The following DSCAM variants were observed in gnomAD, a reference collection of about 807,000 sequenced individuals.
DSCAM encodes the protein DS cell adhesion molecule, also known as cell adhesion molecule DSCAM.
A neutral mutation model predicts 217.7 loss-of-function variants in DSCAM; 47 were observed. That is an observed-to-expected ratio of 0.22 (90% confidence interval 0.17 to 0.28). The LOEUF is 0.28. Among genes scored for constraint, DSCAM ranks in the 10% least tolerant of loss-of-function variants. The pLI is 1.00. For synonymous variants in DSCAM, 1,056 were observed against 1,015.3 expected (o/e 1.04, Z -0.76); for missense variants, 2,080 against 2,618.3 (o/e 0.79, Z 4.49).
chr21:40,755,350 G>GC (rs2091265008), intron 1 of DSCAM, among the ~76,000 whole-genome samples: 1 of 152,152 alleles, frequency 6.6e-6, no homozygotes, highest in South Asian at 2.1e-4. Flanking sequence ...GAAGGCTGAG[G>GC]CAGTAGAATT....
At chr21:40,254,358 TA>T (rs1409687853) in intron 11 of DSCAM, among the ~76,000 whole-genome samples, 5 of 152,170 alleles carry the variant, frequency 3.3e-5, no homozygotes, top group African/African-American at 4.8e-5. Context: ...AGGAAATAAG[TA>T]AAAGCTCAGA....
rs115135360 is a variant in DSCAM at position 40,071,582 on chromosome 21, C to T, written c.4888+3455G>A. On this transcript the variant is annotated intron_variant, in intron 27 of 32. Coordinates refer to ENST00000400454, the MANE Select transcript of DSCAM (RefSeq NM_001389.5). ...TCCCACCTAATCACTCTAAAAACAT[C>T]CACTGGGGATCCCTATAATATTTTT... 6.0e-3 allele frequency among the ~76,000 whole-genome samples: 915 copies of T among 152,312 alleles called. 10 individuals are homozygous for T. Among genetic ancestry groups the T allele is most frequent in the African/African-American group, 0.021 (881 of 41,576 alleles).
chr21:40,121,980 C>T (rs549143533), intron 20 of DSCAM, among the ~76,000 whole-genome samples: 1 of 152,124 alleles, frequency 6.6e-6, no homozygotes, highest in South Asian at 2.1e-4. Flanking sequence ...CGTGAGCCAC[C>T]GTGCCTTGCT....
At chr21:40,794,575 T>C (rs1015760961) in intron 1 of DSCAM, among the ~76,000 whole-genome samples, 3 of 150,952 alleles carry the variant, frequency 2.0e-5, no homozygotes, top group African/African-American at 7.3e-5. Flanking sequence ...CTTAGTAAAG[T>C]GAACCATTGC....
chr21:40,522,130 G>A (rs2076364253), intron 3 of DSCAM, among the ~76,000 whole-genome samples: 1 of 152,146 alleles, frequency 6.6e-6, no homozygotes, highest in South Asian at 2.1e-4. Flanking sequence ...TAGGCATAAG[G>A]TATGTGTTTC....
chr21:40,378,872 C>A (rs1018433718), intron 3 of DSCAM, among the ~76,000 whole-genome samples: 15 of 152,176 alleles, frequency 9.9e-5, no homozygotes, highest in African/African-American at 3.6e-4. Context: ...GGATTACAGG[C>A]GTGAGCCACC....
chr21:40,655,919 G>A (rs2090070407), intron 3 of DSCAM, among the ~76,000 whole-genome samples: 1 of 152,064 alleles, frequency 6.6e-6, no homozygotes, highest in Non-Finnish European at 1.5e-5. Flanking sequence ...CAGGTGTGGT[G>A]GTGCACACCT....
chr21:40,756,976 C>CATGTGTGT (rs35592258), intron 1 of DSCAM, among the ~76,000 whole-genome samples: 52 of 149,708 alleles, frequency 3.5e-4, no homozygotes, highest in South Asian at 1.3e-3. Context: ...AACAAATGGT[C>CATGTGTGT]GTGTGTGTGT....
intron 3 of DSCAM, among the ~76,000 whole-genome samples, chr21:40,554,991 G>A (rs1473160469): frequency 6.6e-6 from 1 of 152,128 alleles, no homozygotes; most frequent in Non-Finnish European, 1.5e-5. Context: ...GTGCACAGAA[G>A]GCATTCAGTA....
chr21:40,021,919 C>G, intron 32 of DSCAM, among the ~76,000 whole-genome samples: 1 of 152,184 alleles, frequency 6.6e-6, no homozygotes, highest in East Asian at 1.9e-4. Context: ...AACTGCTGAA[C>G]TAAACCTGCC....
At position 40,360,121 on chromosome 21, in the gene DSCAM, GTCTTTTTTTTTTTTT is replaced by G. The variant is rs2074743239; in HGVS notation, c.656-6393_656-6379del. On this transcript the variant is annotated intron_variant, in intron 4 of 32. Transcript: ENST00000400454. ...TAGTGAGCATGGTACTTCATAGGTA[GTCTTTTTTTTTTTTT>G]TTTTTTTTTTTTTGAGACAGAGTCT... is the stretch of plus-strand genomic sequence containing the variant. 1.5e-4 allele frequency among the ~76,000 whole-genome samples: 12 copies of G among 82,656 alleles called. No homozygotes were observed. The Admixed American group carries it at 1.8e-3, about 12-fold the overall frequency. The allele number at this position is 82,656 out of a possible 152,430, so 54.2% of individuals were successfully genotyped here.
intron 1 of DSCAM, among the ~76,000 whole-genome samples, chr21:40,833,391 G>A (rs1455913342): frequency 6.6e-6 from 1 of 152,160 alleles, no homozygotes; most frequent in Non-Finnish European, 1.5e-5. Context: ...ACATCCACAG[G>A]AAAAACAGGC....
intron 11 of DSCAM, among the ~76,000 whole-genome samples, chr21:40,209,823 T>C (rs925323502): frequency 1.3e-5 from 2 of 152,166 alleles, no homozygotes; most frequent in Non-Finnish European, 2.9e-5. Flanking sequence ...TTATAACTCA[T>C]CGCTCATTCA....
At chr21:40,796,250 G>A (rs1035572776) in intron 1 of DSCAM, among the ~76,000 whole-genome samples, 4 of 152,160 alleles carry the variant, frequency 2.6e-5, no homozygotes, top group Non-Finnish European at 4.4e-5. Context: ...AATAGCATGT[G>A]AGTGGACATG....
intron 3 of DSCAM, among the ~76,000 whole-genome samples, chr21:40,564,141 T>A (rs572608753): frequency 6.6e-6 from 1 of 152,320 alleles, no homozygotes; most frequent in African/African-American, 2.4e-5. Flanking sequence ...GTCCTAAATA[T>A]GGAAAAAGAA....
chr21:40,136,076 T>C (rs1348204278), intron 18 of DSCAM, among the ~76,000 whole-genome samples: 1 of 152,170 alleles, frequency 6.6e-6, no homozygotes, highest in Non-Finnish European at 1.5e-5. Flanking sequence ...GCCTTTGGAC[T>C]CCTGTCTTCT....
At chr21:40,396,499 TG>T (rs991428066) in intron 3 of DSCAM, among the ~76,000 whole-genome samples, 1 of 152,106 alleles carries the variant, frequency 6.6e-6, no homozygotes, top group Non-Finnish European at 1.5e-5. Flanking sequence ...ATATTTCAGA[TG>T]GGGGGCAACT....
chr21:40,723,449 C>T (rs2090923657), intron 1 of DSCAM, among the ~76,000 whole-genome samples: 1 of 152,184 alleles, frequency 6.6e-6, no homozygotes, highest in Admixed American at 6.5e-5. Context: ...TACCTTTCAG[C>T]TTCTTGCATC....
At chr21:40,017,867 G>A (rs1052436204) in intron 32 of DSCAM, among the ~76,000 whole-genome samples, 3 of 152,170 alleles carry the variant, frequency 2.0e-5, no homozygotes, top group Non-Finnish European at 4.4e-5. Flanking sequence ...CATTCTTATA[G>A]GAAGGAATTA....
Sources: gnomAD v4.1 joint callset for allele counts (sites outside exome capture counted in the v4.1 genomes callset) on GRCh38, gnomAD v4.1.1 for gene constraint, MANE v1.5 for transcripts, NCBI Gene and HGNC (gene_info 2026-07-23, HGNC 2026-07-21) for gene names.